Variants in ASTN2 observed in about 807,000 individuals in gnomAD.
ASTN2 encodes astrotactin-2.
A neutral mutation model predicts 139.8 loss-of-function variants in ASTN2; 54 were observed. That is an observed-to-expected ratio of 0.39 (90% CI 0.31 to 0.48). The LOEUF (loss-of-function observed/expected upper bound fraction) is 0.48, where lower values mean the gene tolerates loss of function less well. ASTN2 is among the 20% of genes least tolerant of loss of function. ASTN2 has a pLI of 0.95. For synonymous variants in ASTN2, 756 were observed against 719.5 expected (o/e 1.05, Z -0.81); for missense variants, 1,565 against 1,725.1 (o/e 0.91, Z 1.64).
chr9:117,118,766 T>C (rs898292357), intron 4 of ASTN2, among the ~76,000 whole-genome samples: 1 of 152,180 alleles, frequency 6.6e-6, no homozygotes, highest in African/African-American at 2.4e-5. Context: ...GGCCACTGAA[T>C]ACATTAACCT....
At chr9:116,999,499 A>T (rs1230336777) in intron 7 of ASTN2, among the ~76,000 whole-genome samples, 1 of 149,382 alleles carries the variant, frequency 6.7e-6, no homozygotes, top group Admixed American at 6.6e-5. Context: ...TTGAAGATTG[A>T]AGGTTAGTAA....
chr9:116,544,884 C>T (rs1051301803), intron 19 of ASTN2, among the ~76,000 whole-genome samples: 1 of 152,202 alleles, frequency 6.6e-6, no homozygotes, highest in Non-Finnish European at 1.5e-5. Flanking sequence ...TAGGGATTCC[C>T]CCTTATTCCC....
chr9:116,632,200 GAAAGA>G (rs1360677227), intron 17 of ASTN2, among the ~76,000 whole-genome samples: 755 of 32,126 alleles, frequency 0.024, 24 homozygotes, highest in South Asian at 0.033. Context: ...GAGAGAGAAA[GAAAGA>G]AAAGAAAGAA....
At chr9:116,679,168 G>C (rs1190211089) in intron 16 of ASTN2, among the ~76,000 whole-genome samples, 1 of 151,978 alleles carries the variant, frequency 6.6e-6, no homozygotes, top group Non-Finnish European at 1.5e-5. Context: ...ATTAGTTATG[G>C]TTATCATTTT....
At chr9:117,236,011 A>G (rs984080628) in intron 2 of ASTN2, among the ~76,000 whole-genome samples, 5 of 152,228 alleles carry the variant, frequency 3.3e-5, no homozygotes, top group Admixed American at 1.3e-4. Context: ...CCTGGAGTTC[A>G]TCTTAATCCA....
intron 10 of ASTN2, among the ~76,000 whole-genome samples, chr9:116,869,051 G>C (rs936952424): frequency 2.0e-5 from 3 of 152,068 alleles, no homozygotes; most frequent in Non-Finnish European, 4.4e-5. Flanking sequence ...AGGGTGTGGT[G>C]GTGGGTGCCT....
In ASTN2 at chr9:116,992,854, A is replaced by G. The variant is rs553153731; in HGVS notation, c.1591+15238T>C. On this transcript the variant is annotated intron_variant, in intron 7 of 22. Transcript: ENST00000313400. ...ATACTGAGCACAATGCCTGGCACATAAGTGATGCACACTAAATAATAGCAA... is the reference window on the plus strand; with the variant it reads ...ATACTGAGCACAATGCCTGGCACATGAGTGATGCACACTAAATAATAGCAA... 5.0e-4 allele frequency among the ~76,000 whole-genome samples: 76 copies of G among 152,282 alleles called. No homozygotes were observed. In the South Asian group the frequency reaches 7.7e-3, roughly 15 times the overall value.
Position 116,985,022 on chromosome 9 carries a change from T to C in ASTN2, c.1592-8237A>G, listed in dbSNP as rs1295036901. Among the ~76,000 whole-genome samples the C allele has an allele frequency of 2.6e-4, 39 of 152,186 alleles. 1 individual carries two copies. The highest frequency in any genetic ancestry group is 2.6e-3 in the Admixed American group (39 of 15,282). ...ATAACAAGAGGATATAATTAGAAGC[T>C]TTATGAAATGAGGAAGATTCTTTAT... On this transcript the variant is annotated intron_variant, in intron 7 of 22. Transcript: ENST00000313400.
chr9:116,508,372 C>A (rs73522455), intron 19 of ASTN2, among the ~76,000 whole-genome samples: 1,874 of 152,254 alleles, frequency 0.012, 35 homozygotes, highest in African/African-American at 0.043. Flanking sequence ...AGTTCCACAG[C>A]CTGCAAGAAT....
At chr9:116,795,222 C>A (rs991915320) in intron 13 of ASTN2, among the ~76,000 whole-genome samples, 1 of 152,194 alleles carries the variant, frequency 6.6e-6, no homozygotes, top group Non-Finnish European at 1.5e-5. Flanking sequence ...TCGTGATCCA[C>A]CCGCCTCGGC....
chr9:117,111,316 A>C (rs1829242813), intron 4 of ASTN2, among the ~76,000 whole-genome samples: 2 of 152,206 alleles, frequency 1.3e-5, no homozygotes, highest in Admixed American at 6.5e-5. Flanking sequence ...AGCTGTGATC[A>C]GTTGGGTAAA....
intron 1 of ASTN2, among the ~76,000 whole-genome samples, chr9:117,292,912 A>G (rs779843430): frequency 2.6e-4 from 39 of 152,298 alleles, no homozygotes; most frequent in Middle Eastern, 3.4e-3. Flanking sequence ...TATATCATCA[A>G]TGCCCAATAG....
At chr9:116,509,107 C>T (rs1850245102) in intron 19 of ASTN2, among the ~76,000 whole-genome samples, 1 of 152,108 alleles carries the variant, frequency 6.6e-6, no homozygotes, top group African/African-American at 2.4e-5. Flanking sequence ...GTGCTGCACC[C>T]ATTAACTCGT....
chr9:117,065,516 A>C (rs990215875), intron 5 of ASTN2, among the ~76,000 whole-genome samples: 1 of 152,144 alleles, frequency 6.6e-6, no homozygotes, highest in Admixed American at 6.5e-5. Context: ...TCATTTCAGC[A>C]TCTGTAACTC....
At chr9:117,227,153 G>T (rs1217434774) in intron 2 of ASTN2, among the ~76,000 whole-genome samples, 1 of 152,112 alleles carries the variant, frequency 6.6e-6, no homozygotes, top group African/African-American at 2.4e-5. Context: ...AGGGATTGCT[G>T]ATCTATCACC....
At chr9:117,216,615 TA>T (rs1189165655) in intron 2 of ASTN2, among the ~76,000 whole-genome samples, 4 of 152,224 alleles carry the variant, frequency 2.6e-5, no homozygotes, top group Non-Finnish European at 5.9e-5. Context: ...TATATCACCT[TA>T]AAAAACAACA....
chr9:116,863,593 G>A lies in ASTN2; in HGVS notation c.2030C>T (p.Ser677Leu), dbSNP rs56153291. The A allele has an allele frequency of 1.9e-3, 3,058 of 1,614,068 alleles. 6 individuals are homozygous for A. Among genetic ancestry groups the A allele is most frequent in the South Asian group, 4.7e-3 (430 of 91,072 alleles). The change falls in exon 11 of 23, where the codon TCG becomes TTG. Residue 677 changes from serine (S) to leucine (L), a missense_variant. By Grantham distance (145) the Ser-to-Leu change is moderately radical. Around this residue, in one of 4 missense-constraint regions of ASTN2, gnomAD observed 503 missense variants for 591.7 expected, o/e 0.85. Transcript: ENST00000313400. ...KCVSDRQVDS[S>L]GCVCPEELKP... is the part of the protein sequence containing the mutation. ...CCAATGGGCACTTACCACACATCCC[G>A]AGGAATCCACCTGCCGGTCAGACAC...
intron 2 of ASTN2, among the ~76,000 whole-genome samples, chr9:117,275,781 T>A (rs1399285668): frequency 6.6e-6 from 1 of 151,948 alleles, no homozygotes; most frequent in Non-Finnish European, 1.5e-5. Flanking sequence ...GACCAGGCTG[T>A]TCTCACTCGA....
At chr9:117,251,177 A>G (rs189195800) in intron 2 of ASTN2, among the ~76,000 whole-genome samples, 149 of 152,312 alleles carry the variant, frequency 9.8e-4, no homozygotes, top group Middle Eastern at 6.8e-3. Flanking sequence ...GGAAAGCAAC[A>G]GAGATGGAAG....
Sources: gnomAD v4.1 joint callset for allele counts (sites outside exome capture counted in the v4.1 genomes callset) on GRCh38, gnomAD v4.1.1 for gene constraint, gnomAD v4.1.1 regional missense constraint, MANE v1.5 for transcripts, NCBI Gene and HGNC (gene_info 2026-07-23, HGNC 2026-07-21) for gene names.